UNC13C: variants seen among roughly 807,000 people sequenced by gnomAD.
UNC13C encodes protein unc-13 homolog C.
Under a neutral mutation model 245.4 loss-of-function variants are expected in UNC13C, and 174 were observed. That is an observed-to-expected ratio of 0.71 (90% CI 0.63 to 0.80). The LOEUF is 0.80. UNC13C is among the 30% of genes least tolerant of loss of function. UNC13C has a pLI of 0.00. For missense variants in UNC13C, 2,829 were observed against 2,602.9 expected, an observed-to-expected ratio of 1.09 and a Z score of -1.89; for synonymous variants, 992 against 895.1, an observed-to-expected ratio of 1.11 and a Z score of -1.93.
intron 17 of UNC13C, among the ~76,000 whole-genome samples, chr15:54,375,807 C>T (rs2039594057): frequency 6.6e-6 from 1 of 152,180 alleles, no homozygotes; most frequent in Admixed American, 6.5e-5. Context: ...TAGATTGCAG[C>T]CCCCTGAAAC....
intron 19 of UNC13C, among the ~76,000 whole-genome samples, chr15:54,478,558 T>A (rs1189351433): frequency 7.5e-6 from 1 of 133,676 alleles, no homozygotes; most frequent in African/African-American, 2.9e-5. Context: ...CTGCCTTCAT[T>A]TCATTATGTA....
At chr15:54,503,804 T>G (rs1479259263) in intron 22 of UNC13C, among the ~76,000 whole-genome samples, 1 of 152,188 alleles carries the variant, frequency 6.6e-6, no homozygotes, top group Non-Finnish European at 1.5e-5. Flanking sequence ...GACTAATTAG[T>G]CTTGAAAACT....
rs571723424 is a variant in UNC13C, at chr15:54,316,540, T to G, written c.4269-5399T>G. 4.6e-5 allele frequency among the ~76,000 whole-genome samples: 7 copies of G among 152,042 alleles called. 1 individual carries two copies. In the South Asian group the frequency reaches 1.5e-3, roughly 32 times the overall value. On this transcript the variant is annotated intron_variant, in intron 13 of 32. Coordinates refer to ENST00000260323, the MANE Select transcript of UNC13C (RefSeq NM_001080534.3). ...TCTTCATAGCACTCTTCTATGCCTTTTTCATAATTTTTGCATAACTGTACA... is the reference window on the plus strand; with the variant it reads ...TCTTCATAGCACTCTTCTATGCCTTGTTCATAATTTTTGCATAACTGTACA...
intron 4 of UNC13C, among the ~76,000 whole-genome samples, chr15:54,216,610 G>T (rs544054920): frequency 6.6e-6 from 1 of 151,960 alleles, no homozygotes; most frequent in South Asian, 2.1e-4. Context: ...GAGAAAGCAA[G>T]AGAGGGCAAA....
chr15:53,946,594 G>A, the UNC13C span, among the ~76,000 whole-genome samples: 1 of 150,662 alleles, frequency 6.6e-6, no homozygotes, highest in South Asian at 2.1e-4. Flanking sequence ...AGTGGCACAC[G>A]CCTGTAGTCC....
At position 54,014,174 on chromosome 15, in the gene UNC13C, C is replaced by T. The variant is rs752573977; in HGVS notation, c.1271C>T (p.Ser424Phe). 6.8e-6 allele frequency: 11 copies of T among 1,613,836 alleles called. No homozygotes were observed. The highest frequency in any genetic ancestry group is 8.5e-6 in the Non-Finnish European group (10 of 1,179,848). The change falls in exon 2 of 33, where the codon TCC (serine) becomes TTC (phenylalanine). Residue 424 changes from serine to phenylalanine, a missense_variant. By Grantham distance (155) the Ser-to-Phe change is radical (BLOSUM62 -2). Transcript: ENST00000260323. ...AGAAAAGAGAAAGGGATACCATCCT[C>T]CCAGACATATGAGAGCATGGCTATA... ...RERKEKGIPS[S>F]QTYESMAIKL...
intron 19 of UNC13C, among the ~76,000 whole-genome samples, chr15:54,422,344 C>T (rs567353242): frequency 6.6e-6 from 1 of 152,130 alleles, no homozygotes; most frequent in South Asian, 2.1e-4. Context: ...AAGTAGTTTG[C>T]ACATTTCCAC....
At chr15:53,943,065 A>G in the UNC13C span, among the ~76,000 whole-genome samples, 1 of 152,214 alleles carries the variant, frequency 6.6e-6, no homozygotes, top group African/African-American at 2.4e-5. Flanking sequence ...AAAGTTTGTC[A>G]TTGACAAATC....
intron 2 of UNC13C, among the ~76,000 whole-genome samples, chr15:54,139,946 T>C (rs918097979): frequency 3.3e-5 from 5 of 152,192 alleles, no homozygotes; most frequent in Non-Finnish European, 7.4e-5. Flanking sequence ...TGACTAGTGC[T>C]TCTCTTTGTC....
intron 30 of UNC13C, among the ~76,000 whole-genome samples, chr15:54,597,067 A>G (rs577719788): frequency 1.3e-5 from 2 of 152,338 alleles, no homozygotes; most frequent in African/African-American, 4.8e-5. Context: ...CATCTTGGGC[A>G]GTTTCATCCC....
intron 20 of UNC13C, among the ~76,000 whole-genome samples, chr15:54,497,823 A>C (rs994653070): frequency 6.6e-6 from 1 of 152,260 alleles, no homozygotes; most frequent in South Asian, 2.1e-4. Context: ...AAGGAACATT[A>C]TAAACACTCT....
intron 2 of UNC13C, chr15:54,049,153 C>T: frequency 2.5e-6 from 1 of 396,134 alleles, no homozygotes. Context: ...AGAAGCTTTC[C>T]ATCATCTAAT....
chr15:54,416,424 G>A (rs1337269551), intron 19 of UNC13C, among the ~76,000 whole-genome samples: 3 of 152,096 alleles, frequency 2.0e-5, no homozygotes, highest in Non-Finnish European at 4.4e-5. Context: ...CTCACAAATA[G>A]AGAGGTTTAT....
intron 4 of UNC13C, among the ~76,000 whole-genome samples, chr15:54,197,854 G>A (rs1011138898): frequency 1.1e-4 from 16 of 152,154 alleles, no homozygotes; most frequent in Non-Finnish European, 2.2e-4. Flanking sequence ...GATCACTGCT[G>A]CAGGCTCCCT....
intron 2 of UNC13C, among the ~76,000 whole-genome samples, chr15:54,103,518 C>T (rs1457527330): frequency 6.6e-6 from 1 of 152,224 alleles, no homozygotes; most frequent in Non-Finnish European, 1.5e-5. Flanking sequence ...TATTACTTCA[C>T]TTTTGTAGAT....
chr15:54,015,230 C>A lies in UNC13C; in HGVS notation c.2327C>A (p.Pro776His), dbSNP rs779544231. The A allele has an allele frequency of 2.5e-6, 4 of 1,613,224 alleles. No homozygotes were observed. In the East Asian group the frequency reaches 6.7e-5, roughly 27 times the overall value. Residue 776 changes from proline to histidine, a missense_variant, in exon 2 of 33, where the codon CCC becomes CAC. Transcript: ENST00000260323. ...AGTGATGATTCAGAGGATGCCCCAC[C>A]CAAATCATGGCATAGTCGATTAAGC... is the stretch of plus-strand genomic sequence containing the variant. ...LQSDDSEDAP[P>H]KSWHSRLSID...
the UNC13C span, among the ~76,000 whole-genome samples, chr15:53,899,063 C>G: frequency 1.3e-5 from 2 of 151,996 alleles, no homozygotes; most frequent in Non-Finnish European, 2.9e-5. Context: ...ATAGTAACCT[C>G]ATTTTCATCC....
At chr15:54,424,508 G>T (rs1454419368) in intron 19 of UNC13C, among the ~76,000 whole-genome samples, 1 of 151,812 alleles carries the variant, frequency 6.6e-6, no homozygotes, top group African/African-American at 2.4e-5. Flanking sequence ...TTTTAAGTGC[G>T]ACCTGGCTGC....
chr15:54,223,514 G>T (rs566169485), intron 4 of UNC13C, among the ~76,000 whole-genome samples: 20 of 152,152 alleles, frequency 1.3e-4, no homozygotes, highest in African/African-American at 4.8e-4. Flanking sequence ...ATAATTGGAA[G>T]TCAGATAAGG....
Sources: allele counts gnomAD v4.1 joint callset (sites outside exome capture counted in the v4.1 genomes callset), GRCh38; gene constraint gnomAD v4.1.1; transcripts MANE v1.5; gene names NCBI Gene and HGNC (gene_info 2026-07-23, HGNC 2026-07-21).